Variants in NEB observed in about 807,000 individuals in gnomAD.
NEB encodes nebulin.
A neutral mutation model predicts 952.2 loss-of-function variants in NEB; 512 were observed. The ratio of observed to expected loss-of-function variants is 0.54; its 90% CI spans 0.50 to 0.58. NEB has a LOEUF of 0.58. NEB is among the 20% of genes least tolerant of loss of function. NEB has a pLI of 0.00. For missense variants in NEB, 8,428 were observed against 9,231.1 expected (o/e 0.91, Z 3.56); for synonymous variants, 2,900 against 3,149.8 (o/e 0.92, Z 2.66).
At chr2:151,488,541 G>GA in intron 181 of NEB, among the ~76,000 whole-genome samples, 1 of 151,956 alleles carries the variant, frequency 6.6e-6, no homozygotes, top group Admixed American at 6.6e-5. Flanking sequence ...AGCTATTCTG[G>GA]TGGCTGAGGC....
intron 46 of NEB, among the ~76,000 whole-genome samples, chr2:151,660,012 T>C (rs1034175836): frequency 6.6e-6 from 1 of 152,202 alleles, no homozygotes; most frequent in Non-Finnish European, 1.5e-5. Context: ...ACCAATATAC[T>C]CATTCAAGGA....
At chr2:151,532,160 G>T in intron 143 of NEB, 1 of 273,742 alleles carries the variant, frequency 3.7e-6, no homozygotes, top group South Asian at 5.2e-5. Flanking sequence ...GCAGTGGTGC[G>T]ATCTCGGCTC....
At chr2:151,516,167 A>G (rs1007009299) in intron 157 of NEB, among the ~76,000 whole-genome samples, 3 of 152,198 alleles carry the variant, frequency 2.0e-5, no homozygotes, top group Admixed American at 6.5e-5. Context: ...TTCATAAAGG[A>G]AAATCCAAAT....
chr2:151,524,037 C>T (rs2083783882), intron 153 of NEB, among the ~76,000 whole-genome samples: 1 of 152,154 alleles, frequency 6.6e-6, no homozygotes, highest in Admixed American at 6.5e-5. Flanking sequence ...AGTAGGATCT[C>T]ATGAACTGAT....
In NEB at chr2:151,697,525, T is replaced by C. The variant is rs1372774906; in HGVS notation, c.1257+19A>G. 8.1e-6 allele frequency: 13 copies of C among 1,606,598 alleles called. No homozygotes were observed. Among genetic ancestry groups the C allele is most frequent in the East Asian group, 6.7e-5 (3 of 44,838 alleles). ...TGGGTTCTTTTTTTAACAGAAAGAG[T>C]GACAGTAGGATTGCTTACATCACTA... On this transcript the variant is annotated intron_variant, in intron 14 of 181. Transcript: ENST00000397345.
chr2:151,664,622 T>C lies in NEB; in HGVS notation c.5344-14A>G, dbSNP rs572217916. 6.3e-7 allele frequency: 1 copy of C among 1,584,972 alleles called. No individual in the cohort carries two copies. The highest frequency in any genetic ancestry group is 1.1e-5 in the South Asian group (1 of 87,208). ...TTTGTACAGTTTCTAAACAATAAAA[T>C]AGAAAAACAACAGCATCTTGTTATT... is the stretch of plus-strand genomic sequence containing the variant. On this transcript the variant is annotated splice_polypyrimidine_tract_variant and intron_variant, in intron 43 of 181. Transcript: ENST00000397345.
At position 151,508,826 on chromosome 2, in the gene NEB, C is replaced by T. The variant is rs117543436; in HGVS notation, c.23347-717G>A. Among the ~76,000 whole-genome samples the T allele has an allele frequency of 2.3e-3, 348 of 152,362 alleles. 8 individuals carry two copies. In the East Asian group the frequency reaches 0.044, roughly 19 times the overall value. ...CTGCCCCAGCCTTTGGCTGGAGAGA[C>T]GTGTCCATATAGAGGCTGCTCTTCC... is the stretch of plus-strand genomic sequence containing the variant. On this transcript the variant is annotated intron_variant, in intron 161 of 181. Transcript: ENST00000397345.
In NEB at chr2:151,650,846, G is replaced by A. The variant is rs759146938; in HGVS notation, c.6955C>T (p.His2319Tyr). 6.2e-7 allele frequency: 1 copy of A among 1,613,252 alleles called. No individual in the cohort carries two copies. The highest frequency in any genetic ancestry group is 8.5e-7 in the Non-Finnish European group (1 of 1,179,408). ...KQGYRKQLGH[H>Y]VGFRSLQDDP... is the part of the protein sequence containing the mutation. ...TCTTGCAGACTCCGGAATCCAACAT[G>A]GTGGCCAAGTTGCTTTCGGTAGCCT... The change falls in exon 53 of 182, where the codon CAT becomes TAT. Residue 2319 changes from histidine to tyrosine, a missense_variant. By Grantham distance (83) the His-to-Tyr change is moderately conservative (BLOSUM62 2). Coordinates refer to ENST00000397345, the MANE Select transcript of NEB (RefSeq NM_001164508.2).
chr2:151,576,516 A>ATGTT (rs1560144148), intron 105 of NEB, among the ~76,000 whole-genome samples, 162 bp from the exon 106 acceptor site: 1 of 18,890 alleles, frequency 5.3e-5, no homozygotes, highest in African/African-American at 2.2e-4. Flanking sequence ...ATATATATAT[A>ATGTT]TTTTTTTTTT....
chr2:151,692,360 T>A lies in NEB; in HGVS notation c.1899A>T (p.Arg633Ser), dbSNP rs77826191. 699 of 1,596,032 alleles carry A rather than the reference T, an allele frequency of 4.4e-4. 4 individuals carry two copies. The East Asian group carries it at 0.014, about 31-fold the overall frequency. Residue 633 changes from arginine to serine, a missense_variant and splice_region_variant, in exon 21 of 182, where the codon AGA (arginine) becomes AGT (serine). Arg to Ser is a moderately radical substitution (Grantham distance 110). This residue lies in a region of NEB where 2,851 missense variants were observed against 2,791.5 expected (regional missense o/e 1.02). Transcript: ENST00000397345. ...SLKVAKNQSD[R>S]LYKENYEKTK... The stretch of plus-strand genomic sequence containing the variant: ...TCTTCTCATAGTTTTCCTTGTATAA[T>A]CTCTGTTAAAGGAAAAATAAATTAA...
At chr2:151,667,545 T>C (rs1298342912) in intron 40 of NEB, among the ~76,000 whole-genome samples, 2 of 152,126 alleles carry the variant, frequency 1.3e-5, no homozygotes, top group Non-Finnish European at 2.9e-5. Flanking sequence ...GATTTTTTTT[T>C]CTTTTTTAGA....
intron 143 of NEB, 144 bp from the exon 144 acceptor site, chr2:151,532,040 G>A (rs2091420384): frequency 1.7e-6 from 1 of 599,894 alleles, no homozygotes; most frequent in African/African-American, 1.9e-5. Context: ...CTATAAATTT[G>A]TGTCTGATAG....
chr2:151,547,606 T>TC (rs1302375190), intron 132 of NEB, 28 bp downstream of exon 132: 5 of 1,608,084 alleles, frequency 3.1e-6, no homozygotes, highest in Non-Finnish European at 4.3e-6. Flanking sequence ...TAGTCTCTAC[T>TC]CCCTGTCTTT....
chr2:151,508,230 T>TTAAC, intron 161 of NEB, 121 bp from the exon 162 acceptor site: 2 of 618,658 alleles, frequency 3.2e-6, no homozygotes, highest in South Asian at 2.3e-5. Flanking sequence ...TTGTATTTTC[T>TTAAC]TAACTGTCCA....
Position 151,570,274 on chromosome 2 carries a change from T to C in NEB, c.17237A>G (p.Glu5746Gly). The C allele has an allele frequency of 6.2e-7, 1 of 1,613,728 alleles. No individual in the cohort carries two copies. Among genetic ancestry groups the C allele is most frequent in the Non-Finnish European group, 8.5e-7 (1 of 1,179,770 alleles). Residue 5746 changes from glutamate to glycine, a missense_variant, in exon 109 of 182, where the codon GAG becomes GGG. This residue lies in a region of NEB where 3,374 missense variants were observed against 3,651.5 expected (regional missense o/e 0.92). Coordinates refer to ENST00000397345, the MANE Select transcript of NEB (RefSeq NM_001164508.2). The part of the protein sequence containing the change: ...LIADKLQNER[E>G]YRLDWAKWKA... Reference sequence around the variant, plus strand: ...CCATTTGGCCCAGTCCAGCCGGTACTCTCGTTCATTCTGGAGCTTGTCAGC... The same window carrying C: ...CCATTTGGCCCAGTCCAGCCGGTACCCTCGTTCATTCTGGAGCTTGTCAGC...
At chr2:151,497,520 A>G in intron 171 of NEB, 106 bp downstream of exon 171, 1 of 1,500,036 alleles carries the variant, frequency 6.7e-7, no homozygotes, top group Non-Finnish European at 8.9e-7. Flanking sequence ...GAAATTCACA[A>G]AATTTAAGTT....
intron 100 of NEB, among the ~76,000 whole-genome samples, chr2:151,584,089 C>G (rs1029054189): frequency 4.6e-5 from 2 of 43,704 alleles, no homozygotes; most frequent in Non-Finnish European, 4.3e-5. Flanking sequence ...CCACATGAAA[C>G]TACCATGTTT....
intron 129 of NEB, among the ~76,000 whole-genome samples, chr2:151,550,150 C>T (rs1406744656): frequency 6.6e-6 from 1 of 151,368 alleles, no homozygotes; most frequent in East Asian, 1.9e-4. Context: ...ACCTGTAGTC[C>T]CAGCTACTTA....
At chr2:151,732,414 T>C (rs950439607) in intron 3 of NEB, among the ~76,000 whole-genome samples, 1 of 152,198 alleles carries the variant, frequency 6.6e-6, no homozygotes, top group Non-Finnish European at 1.5e-5. Context: ...GTGTTAGATG[T>C]CCACTAATAA....
Sources: allele counts gnomAD v4.1 joint callset (sites outside exome capture counted in the v4.1 genomes callset), GRCh38; gene constraint gnomAD v4.1.1; regional missense constraint gnomAD v4.1.1; transcripts MANE v1.5; gene names NCBI Gene and HGNC (gene_info 2026-07-23, HGNC 2026-07-21).